Variants in CRYBG1 observed in about 807,000 individuals in gnomAD.
The protein encoded by CRYBG1 is crystallin beta-gamma domain containing 1.
In CRYBG1, 139 loss-of-function variants were observed where a neutral mutation model predicts 189.2. The observed-to-expected ratio is 0.73, with a 90% confidence interval of 0.64 to 0.85. The LOEUF (loss-of-function observed/expected upper bound fraction) is 0.85. Among genes scored for constraint, CRYBG1 ranks in the 40% least tolerant of loss-of-function variants. The probability of loss-of-function intolerance (pLI) is 0.00; values close to 1 mark genes in which losing one functional copy is unlikely to be tolerated. For missense variants in CRYBG1, 2,611 were observed against 2,675.8 expected (o/e 0.98, Z 0.53); for synonymous variants, 1,023 against 1,017.1 (o/e 1.01, Z -0.11).
At chr6:106,506,534 C>T (rs1414680403) in intron 2 of CRYBG1, among the ~76,000 whole-genome samples, 1 of 142,602 alleles carries the variant, frequency 7.0e-6, no homozygotes, top group African/African-American at 2.6e-5. Flanking sequence ...TTCACTGCAA[C>T]CTCCGCCTCC....
At chr6:106,412,274 A>G (rs1013584164) in intron 1 of CRYBG1, among the ~76,000 whole-genome samples, 3 of 152,234 alleles carry the variant, frequency 2.0e-5, no homozygotes, top group Non-Finnish European at 4.4e-5. Flanking sequence ...TCCCAATACT[A>G]CATCAGGCAG....
chr6:106,451,612 T>G, intron 1 of CRYBG1, 82 bp from the exon 2 acceptor site: 11 of 1,265,922 alleles, frequency 8.7e-6, no homozygotes, highest in Non-Finnish European at 1.1e-5. Flanking sequence ...TATTAATACA[T>G]GGAGAAATAT....
In CRYBG1 at chr6:106,496,478, G is replaced by A. The variant is rs113712111; in HGVS notation, c.313-14952G>A. On this transcript the variant is annotated intron_variant, in intron 2 of 21. Coordinates refer to ENST00000633556, the MANE Select transcript of CRYBG1 (RefSeq NM_001371242.2). ...GAAATCGTAACAGAATTAATACCTC[G>A]TGACTTAAAACCTTTTTTGAAACAA... Among the ~76,000 whole-genome samples, 1,450 of 151,874 alleles carry A rather than the reference G, an allele frequency of 9.5e-3. 27 individuals carry two copies. Among genetic ancestry groups the A allele is most frequent in the African/African-American group, 0.033 (1,382 of 41,438 alleles).
chr6:106,530,351 T>C (rs781732523), intron 8 of CRYBG1, 36 bp downstream of exon 8: 2 of 1,586,166 alleles, frequency 1.3e-6, no homozygotes, highest in East Asian at 4.5e-5. Context: ...TTTAATGAAG[T>C]TTTTTTGTGA....
chr6:106,485,841 T>C (rs1772582795), intron 2 of CRYBG1, among the ~76,000 whole-genome samples: 1 of 152,242 alleles, frequency 6.6e-6, no homozygotes, highest in Non-Finnish European at 1.5e-5. Flanking sequence ...GTGGATGATA[T>C]TTTTAATTGC....
chr6:106,479,404 G>A (rs1374609699), intron 2 of CRYBG1, among the ~76,000 whole-genome samples: 1 of 152,150 alleles, frequency 6.6e-6, no homozygotes, highest in Non-Finnish European at 1.5e-5. Flanking sequence ...ATCCCACTGG[G>A]AGTTAAGCCT....
At chr6:106,369,586 C>T (rs781538162) in intron 1 of CRYBG1, among the ~76,000 whole-genome samples, 5 of 152,046 alleles carry the variant, frequency 3.3e-5, no homozygotes, top group Admixed American at 6.6e-5. Context: ...TCTTTGGATT[C>T]GTTTTTTAAT....
intron 1 of CRYBG1, among the ~76,000 whole-genome samples, chr6:106,373,313 C>G (rs1391870296): frequency 6.6e-6 from 1 of 152,164 alleles, no homozygotes; most frequent in Non-Finnish European, 1.5e-5. Flanking sequence ...GATTTCCAAT[C>G]TAGCCACAAA....
chr6:106,416,013 C>G (rs915187607), intron 1 of CRYBG1, among the ~76,000 whole-genome samples: 1 of 152,174 alleles, frequency 6.6e-6, no homozygotes, highest in Non-Finnish European at 1.5e-5. Context: ...CATAAGCCTG[C>G]CAGCTTTGCG....
chr6:106,462,508 C>T (rs1439009876), intron 2 of CRYBG1, among the ~76,000 whole-genome samples: 25 of 152,172 alleles, frequency 1.6e-4, no homozygotes, highest in Admixed American at 1.6e-3. Flanking sequence ...GTTTAACTAG[C>T]AAAGTAAGTA....
intron 2 of CRYBG1, among the ~76,000 whole-genome samples, chr6:106,504,559 T>A (rs751470570): frequency 2.4e-4 from 37 of 152,172 alleles, no homozygotes; most frequent in Admixed American, 6.5e-4. Flanking sequence ...AGAAAATATT[T>A]TAAAAGTTAA....
At chr6:106,511,302 A>C in intron 2 of CRYBG1, 128 bp from the exon 3 acceptor site, 10 of 935,022 alleles carry the variant, frequency 1.1e-5, no homozygotes, top group Non-Finnish European at 1.5e-5. Context: ...TAACATAAAC[A>C]TAACTTTATC....
chr6:106,376,912 G>A (rs1355881688), intron 1 of CRYBG1, among the ~76,000 whole-genome samples: 2 of 152,152 alleles, frequency 1.3e-5, no homozygotes, highest in Admixed American at 1.3e-4. Flanking sequence ...GTTCAGGTCT[G>A]AGCTGATGTT....
rs1028996917 is a variant in CRYBG1, at chr6:106,527,413, C to T, written c.4521C>T (p.His1507=). The stretch of plus-strand genomic sequence containing the variant: ...GTATAGAAGACATTTTGGAAAGGCA[C>T]GAAGAAGCAGAGTCTGATAAGCCAG... ...LWGIEDILER[H]EEAESDKPVV... The change falls in exon 7 of 22, where the codon CAC becomes CAT. Residue 1507 remains histidine (H), a synonymous_variant. Transcript: ENST00000633556. 31 of 1,613,504 alleles carry T rather than the reference C, an allele frequency of 1.9e-5. No homozygotes were observed. The highest frequency in any genetic ancestry group is 2.7e-5 in the African/African-American group (2 of 74,840).
At chr6:106,490,420 T>C (rs1283263570) in intron 2 of CRYBG1, among the ~76,000 whole-genome samples, 1 of 152,134 alleles carries the variant, frequency 6.6e-6, no homozygotes, top group East Asian at 1.9e-4. Flanking sequence ...TAAAATAGAT[T>C]GAGGAGATTA....
At chr6:106,515,696 A>G (rs866935624) in intron 3 of CRYBG1, among the ~76,000 whole-genome samples, 1 of 152,100 alleles carries the variant, frequency 6.6e-6, no homozygotes, top group African/African-American at 2.4e-5. Context: ...AGGGAGCCTA[A>G]GTATCTTATG....
chr6:106,431,921 C>T (rs1771333227), intron 1 of CRYBG1, among the ~76,000 whole-genome samples: 1 of 152,090 alleles, frequency 6.6e-6, no homozygotes, highest in African/African-American at 2.4e-5. Flanking sequence ...ATGAATTTGC[C>T]ACCCACAAGG....
At chr6:106,366,116 TG>T (rs1360049865) in intron 1 of CRYBG1, among the ~76,000 whole-genome samples, 3 of 152,248 alleles carry the variant, frequency 2.0e-5, no homozygotes. Flanking sequence ...GAAAGCATTC[TG>T]GAACTGTAGA....
At chr6:106,523,339 T>G (rs2114545134) in intron 4 of CRYBG1, among the ~76,000 whole-genome samples, 1 of 152,274 alleles carries the variant, frequency 6.6e-6, no homozygotes, top group East Asian at 1.9e-4. Flanking sequence ...TATTAACTAT[T>G]TCTCTCAAGC....
Sources: gnomAD v4.1 joint callset for allele counts (sites outside exome capture counted in the v4.1 genomes callset) on GRCh38, gnomAD v4.1.1 for gene constraint, MANE v1.5 for transcripts, NCBI Gene and HGNC (gene_info 2026-07-23, HGNC 2026-07-21) for gene names.